The following MGAM2 variants were observed in gnomAD, a reference collection of about 807,000 sequenced individuals.
MGAM2 encodes the protein probable maltase-glucoamylase 2.
Under a neutral mutation model 96.1 loss-of-function variants are expected in MGAM2, and 98 were observed. The ratio of observed to expected loss-of-function variants is 1.02; its 90% CI spans 0.87 to 1.21. The LOEUF is 1.21. Ranked by LOEUF, MGAM2 falls within the 50% of genes most tolerant of loss-of-function variation. The pLI, the probability that MGAM2 is intolerant of heterozygous loss-of-function variation, is 0.00. For synonymous variants in MGAM2, 749 were observed against 414.8 expected (o/e 1.81, Z -9.79); for missense variants, 2,055 against 1,182.4 (o/e 1.74, Z -10.82).
chr7:142,151,556 T>G (rs1795579125), intron 15 of MGAM2, among the ~76,000 whole-genome samples: 1 of 152,184 alleles, frequency 6.6e-6, no homozygotes. Context: ...TGTTCTGATA[T>G]AGTTTTATTC....
At chr7:142,127,117 G>A (rs774903286) in intron 3 of MGAM2, among the ~76,000 whole-genome samples, 1 of 152,166 alleles carries the variant, frequency 6.6e-6, no homozygotes, top group Non-Finnish European at 1.5e-5. Context: ...ATTGATGAAT[G>A]TAGTTACTTG....
chr7:142,163,348 C>T (rs1795944413), intron 23 of MGAM2, among the ~76,000 whole-genome samples: 1 of 152,214 alleles, frequency 6.6e-6, no homozygotes, highest in Non-Finnish European at 1.5e-5. Context: ...AGGGCACGAT[C>T]TCAGCCCACT....
At chr7:142,208,741 C>G in intron 46 of MGAM2, 119 bp downstream of exon 46, 1 of 603,958 alleles carries the variant, frequency 1.7e-6, no homozygotes, top group Non-Finnish European at 2.9e-6. Context: ...CTTGCCTTTA[C>G]TTTTATAATC....
intron 34 of MGAM2, among the ~76,000 whole-genome samples, chr7:142,185,778 A>T (rs1322550173): frequency 6.6e-6 from 1 of 152,182 alleles, no homozygotes; most frequent in East Asian, 1.9e-4. Context: ...TTTGAAAGGG[A>T]TTATAAAGCT....
chr7:142,146,242 A>T (rs1458924668), intron 14 of MGAM2, among the ~76,000 whole-genome samples: 1 of 138,910 alleles, frequency 7.2e-6, no homozygotes, highest in African/African-American at 2.7e-5. Flanking sequence ...CCTCAATCCT[A>T]TCACTTTCTG....
rs1563257138 is a variant in MGAM2 at position 142,142,522 on chromosome 7, G to GTGTTTTTTT, written c.1318-1245_1318-1237dup. On this transcript the variant is annotated intron_variant, in intron 12 of 47. Transcript: ENST00000477922. Reference sequence around the variant, plus strand: ...CAGTAGTGGAGGTGCATAGTGGTGTGTGTTTTTTTTTTTTTTTTTTTTTTT... The same window carrying GTGTTTTTTT: ...CAGTAGTGGAGGTGCATAGTGGTGTGTGTTTTTTTTGTTTTTTTTTTTTTTTTTTTTTTT... Among the ~76,000 whole-genome samples the GTGTTTTTTT allele has an allele frequency of 2.2e-3, 234 of 108,206 alleles. 8 individuals carry two copies. Among genetic ancestry groups the GTGTTTTTTT allele is most frequent in the African/African-American group, 7.7e-3 (229 of 29,560 alleles). The allele number at this position is 108,206 out of a possible 152,430, so 71.0% of individuals were successfully genotyped here.
chr7:142,154,273 A>C, intron 16 of MGAM2, 84 bp downstream of exon 16: 1 of 504,714 alleles, frequency 2.0e-6, no homozygotes, highest in Middle Eastern at 5.2e-4. Context: ...TTATCTGAAA[A>C]ACCAAGGATC....
rs756421218 is a variant in MGAM2 at position 142,218,503 on chromosome 7, C to A, written c.5330C>A (p.Thr1777Lys). The change falls in exon 47 of 48, where the codon ACA becomes AAA. Residue 1777 changes from threonine to lysine, a missense_variant. Physicochemically the swap from Thr to Lys is moderately conservative, Grantham distance 78. Coordinates refer to ENST00000477922, the MANE Select transcript of MGAM2 (RefSeq NM_001293626.2). ...TATGACAACCGGCAATTTATGGAGA[C>A]AAATTTCAAGAGTGAACCTTATAAT... ...FTYDNRQFME[T>K]NFKSEPYNQI... The A allele has an allele frequency of 1.3e-5, 9 of 699,772 alleles. No homozygotes were observed. The African/African-American group carries it at 1.4e-4, about 11-fold the overall frequency. 43.3% of individuals were successfully genotyped at this position (699,772 alleles called of 1,614,324 possible). A position where few individuals can be genotyped will look rare whatever the true frequency, so the allele number is the denominator to read the frequency against.
At chr7:142,133,587 T>C (rs981258196) in intron 6 of MGAM2, among the ~76,000 whole-genome samples, 2 of 152,122 alleles carry the variant, frequency 1.3e-5, no homozygotes, top group African/African-American at 4.8e-5. Flanking sequence ...AGCTGTGTTA[T>C]ATATCAGGCA....
rs1797865635 is a variant in MGAM2, at chr7:142,219,854, T to C, written c.5359-16T>C. 1.5e-6 allele frequency: 1 copy of C among 680,996 alleles called. No homozygotes were observed. Among genetic ancestry groups the C allele is most frequent in the African/African-American group, 1.8e-5 (1 of 56,672 alleles). The allele number at this position is 680,996 out of a possible 1,614,324, so 42.2% of individuals were successfully genotyped here. A position where few individuals can be genotyped will look rare whatever the true frequency, so the allele number is the denominator to read the frequency against. On this transcript the variant is annotated splice_polypyrimidine_tract_variant and intron_variant, in intron 47 of 47. Transcript: ENST00000477922. ...AAGTTCTAAAATACCCATTTATATCTCTTCTTTTCTGGCAGATACTAACTA... is the reference window on the plus strand; with the variant it reads ...AAGTTCTAAAATACCCATTTATATCCCTTCTTTTCTGGCAGATACTAACTA...
chr7:142,114,583 A>G (rs1338022525), intron 1 of MGAM2, among the ~76,000 whole-genome samples: 1 of 152,222 alleles, frequency 6.6e-6, no homozygotes, highest in African/African-American at 2.4e-5. Context: ...TATATTTATG[A>G]AGGAAAGATA....
chr7:142,127,766 A>G (rs907473454), intron 3 of MGAM2, among the ~76,000 whole-genome samples: 4 of 152,148 alleles, frequency 2.6e-5, no homozygotes, highest in Admixed American at 6.5e-5. Flanking sequence ...TTCCACCATG[A>G]CTGTGAGGCC....
chr7:142,152,404 G>C (rs1585167171), intron 15 of MGAM2, among the ~76,000 whole-genome samples: 2 of 152,306 alleles, frequency 1.3e-5, no homozygotes, highest in East Asian at 3.9e-4. Context: ...GATAGGAGTT[G>C]AGTGAGTCCT....
At chr7:142,218,319 C>T in intron 46 of MGAM2, 42 bp from the exon 47 acceptor site, 1 of 603,298 alleles carries the variant, frequency 1.7e-6, no homozygotes, top group Non-Finnish European at 3.0e-6. Flanking sequence ...AGTCTATCAA[C>T]AATATGTTAT....
chr7:142,137,473 G>T lies in MGAM2; in HGVS notation c.888G>T (p.Thr296=). 1.4e-6 allele frequency: 1 copy of T among 702,068 alleles called. No homozygotes were observed. The highest frequency in any genetic ancestry group is 2.6e-6 in the Non-Finnish European group (1 of 384,434). The allele number at this position is 702,068 out of a possible 1,614,324, so 43.5% of individuals were successfully genotyped here. A position where few individuals can be genotyped will look rare whatever the true frequency, so the allele number is the denominator to read the frequency against. Residue 296 remains threonine (T), a synonymous_variant, in exon 9 of 48, where the codon ACG becomes ACT. Coordinates refer to ENST00000477922, the MANE Select transcript of MGAM2 (RefSeq NM_001293626.2). The part of the protein sequence containing the change: ...LQPAPAITYR[T]IGGILDFYVF... ...CAGCTCCTGCGATCACTTATCGCAC[G>T]ATTGGAGGCATTCTTGACTTTTACG...
rs1797924147 is a variant in MGAM2, at chr7:142,221,440, C to G, written c.6929C>G (p.Ser2310Cys). 1.7e-6 allele frequency: 1 copy of G among 582,670 alleles called. No individual in the cohort carries two copies. The highest frequency in any genetic ancestry group is 1.9e-5 in the African/African-American group (1 of 53,624). The allele number at this position is 582,670 out of a possible 1,614,324, so 36.1% of individuals were successfully genotyped here. A position where few individuals can be genotyped will look rare whatever the true frequency, so the allele number is the denominator to read the frequency against. ...CATACTCTTACTTCTATTCCTAGCTCTATTACTTCTATTTTGAGCATGTTT... is the reference window on the plus strand; with the variant it reads ...CATACTCTTACTTCTATTCCTAGCTGTATTACTTCTATTTTGAGCATGTTT... ...PTHTLTSIPSSITSILSMFPT... is the reference protein window; with the variant it reads ...PTHTLTSIPSCITSILSMFPT... Residue 2310 changes from serine (S) to cysteine (C), a missense_variant, in exon 48 of 48, where the codon TCT becomes TGT. By Grantham distance (112) the Ser-to-Cys change is moderately radical. Transcript: ENST00000477922.
intron 2 of MGAM2, 117 bp from the exon 3 acceptor site, chr7:142,120,185 G>C (rs542742643): frequency 1.6e-6 from 1 of 616,882 alleles, no homozygotes; most frequent in East Asian, 2.8e-5. Context: ...GTAGATACCA[G>C]CTACCGGTGA....
rs535608378 is a variant in MGAM2 at position 142,164,183 on chromosome 7, G to A, written c.2485-673G>A. Among the ~76,000 whole-genome samples, 26 of 152,164 alleles carry A rather than the reference G, an allele frequency of 1.7e-4. No individual in the cohort carries two copies. The South Asian group carries it at 5.2e-3, about 30-fold the overall frequency. The stretch of plus-strand genomic sequence containing the variant: ...AAATCATTTGGGCATATATGTATGC[G>A]ACTTCTAATTTTTTAAGTTATCAAA... On this transcript the variant is annotated intron_variant, in intron 23 of 47. Transcript: ENST00000477922.
Position 142,198,750 on chromosome 7 carries a change from G to C in MGAM2, c.5048+11G>C, listed in dbSNP as rs1386025522. 1.4e-6 allele frequency: 1 copy of C among 702,768 alleles called. No individual in the cohort carries two copies. The highest frequency in any genetic ancestry group is 2.6e-6 in the Non-Finnish European group (1 of 384,640). The allele number at this position is 702,768 out of a possible 1,614,324, so 43.5% of individuals were successfully genotyped here. A position where few individuals can be genotyped will look rare whatever the true frequency, so the allele number is the denominator to read the frequency against. On this transcript the variant is annotated intron_variant, in intron 44 of 47. Coordinates refer to ENST00000477922, the MANE Select transcript of MGAM2 (RefSeq NM_001293626.2). ...GAACACTCACTCCAGGTGAGGAGAA[G>C]AGGCAATGTCTAACAGCCTCTTGCT...
Sources: gnomAD v4.1 joint callset for allele counts (sites outside exome capture counted in the v4.1 genomes callset) on GRCh38, gnomAD v4.1.1 for gene constraint, MANE v1.5 for transcripts, NCBI Gene and HGNC (gene_info 2026-07-23, HGNC 2026-07-21) for gene names.